The following RBFOX3 variants were observed in gnomAD, a reference collection of about 807,000 sequenced individuals.
RBFOX3 encodes the protein RNA binding fox-1 homolog 3, also known as RNA binding protein fox-1 homolog 3.
RBFOX3 carries 17 observed loss-of-function variants against 48.7 expected under a neutral mutation model. The ratio of observed to expected loss-of-function variants is 0.35; its 90% CI spans 0.24 to 0.52. The LOEUF (loss-of-function observed/expected upper bound fraction) is 0.52, where lower values mean the gene tolerates loss of function less well. RBFOX3 is among the 20% of genes least tolerant of loss of function. The probability of loss-of-function intolerance (pLI) is 0.94; values close to 1 mark genes in which losing one functional copy is unlikely to be tolerated. For missense variants in RBFOX3, 382 were observed against 497.5 expected, an observed-to-expected ratio of 0.77 and a Z score of 2.21; for synonymous variants, 212 against 209.5, an observed-to-expected ratio of 1.01 and a Z score of -0.10.
At chr17:79,116,789 A>G (rs888940017) in intron 4 of RBFOX3, among the ~76,000 whole-genome samples, 1 of 152,182 alleles carries the variant, frequency 6.6e-6, no homozygotes, top group African/African-American at 2.4e-5. Flanking sequence ...TCCTGCAGCC[A>G]CTCTCAGAGG....
the RBFOX3 span, among the ~76,000 whole-genome samples, chr17:79,623,332 G>T: frequency 6.6e-6 from 1 of 152,208 alleles, no homozygotes; most frequent in Admixed American, 6.5e-5. Context: ...ATACCCCACA[G>T]GAGGGAGGTA....
rs145358060 is a variant in RBFOX3 at position 79,146,290 on chromosome 17, C to T, written c.-33-30542G>A. On this transcript the variant is annotated intron_variant, in intron 4 of 14. Coordinates refer to ENST00000693108, the MANE Select transcript of RBFOX3 (RefSeq NM_001350451.2). ...GAGGCCAGAGATGCTGCTCCACCTC[C>T]TACAGACGCCCATCAGAGTCTGACC... Among the ~76,000 whole-genome samples, 993 of 152,294 alleles carry T rather than the reference C, an allele frequency of 6.5e-3. 15 individuals carry two copies. The highest frequency in any genetic ancestry group is 0.023 in the African/African-American group (940 of 41,550).
intron 4 of RBFOX3, among the ~76,000 whole-genome samples, chr17:79,188,853 C>A (rs986848619): frequency 6.6e-6 from 1 of 152,220 alleles, no homozygotes; most frequent in South Asian, 2.1e-4. Context: ...AAGCTGCGGC[C>A]CTGGAAAGCT....
chr17:79,517,941 T>G (rs1375061071), intron 1 of RBFOX3, among the ~76,000 whole-genome samples: 16 of 152,274 alleles, frequency 1.1e-4, no homozygotes, highest in African/African-American at 3.6e-4. Context: ...GTATTGATCC[T>G]GAAGTGCAGA....
intron 1 of RBFOX3, among the ~76,000 whole-genome samples, chr17:79,511,160 C>T (rs1362900589): frequency 5.3e-5 from 8 of 152,162 alleles, no homozygotes; most frequent in African/African-American, 1.9e-4. Flanking sequence ...CGGGAGCCTC[C>T]ACCTGGGCTG....
At chr17:79,300,317 C>T (rs979287653) in intron 3 of RBFOX3, among the ~76,000 whole-genome samples, 9 of 152,288 alleles carry the variant, frequency 5.9e-5, no homozygotes, top group South Asian at 4.1e-4. Flanking sequence ...GAAATTGATA[C>T]GGATCCCAAG....
At chr17:79,522,034 GA>G (rs2086186260) in intron 1 of RBFOX3, among the ~76,000 whole-genome samples, 2 of 152,190 alleles carry the variant, frequency 1.3e-5, no homozygotes, top group Admixed American at 6.5e-5. Flanking sequence ...TCACCCGACG[GA>G]ATCTTGGACC....
chr17:79,613,126 T>C (rs2093981320), upstream of RBFOX3, among the ~76,000 whole-genome samples: 1 of 152,198 alleles, frequency 6.6e-6, no homozygotes, highest in South Asian at 2.1e-4. Flanking sequence ...CTGCAAAGCA[T>C]AGGGCCCGGT....
rs565220696 is a variant in RBFOX3, at chr17:79,097,368, G to T, written c.679C>A (p.Leu227Ile). 6.5e-6 allele frequency: 10 copies of T among 1,548,734 alleles called. No individual in the cohort carries two copies. The South Asian group carries it at 1.2e-4, about 18-fold the overall frequency. Reference protein sequence around the residue: ...GTAVAYRGAHLRGRGRAVYNT... With the variant: ...GTAVAYRGAHIRGRGRAVYNT... ...TACACGGCCCGGCCCCGGCCCCGAA[G>T]ATGTGCGCCCCGGTAGGCAACGGCT... is the stretch of plus-strand genomic sequence containing the variant. The change falls in exon 11 of 15, where the codon CTT (leucine) becomes ATT (isoleucine). Residue 227 changes from leucine to isoleucine, a missense_variant. Leu to Ile is a conservative substitution (Grantham distance 5). Around this residue, in one of 3 missense-constraint regions of RBFOX3, gnomAD observed 215 missense variants for 254.8 expected, o/e 0.84. Transcript: ENST00000693108.
rs186400307 is a variant in RBFOX3, at chr17:79,107,827, G to A, written c.223-1039C>T. ...CGCTCAGCCCACTGGCAAGGCGGGT[G>A]GGTGGCACAGGAGCACCAGGGTACA... On this transcript the variant is annotated intron_variant, in intron 5 of 14. Coordinates refer to ENST00000693108, the MANE Select transcript of RBFOX3 (RefSeq NM_001350451.2). Among the ~76,000 whole-genome samples the A allele has an allele frequency of 5.0e-3, 769 of 152,326 alleles. 5 individuals are homozygous for A. Among genetic ancestry groups the A allele is most frequent in the African/African-American group, 0.017 (705 of 41,582 alleles).
At chr17:79,302,116 TG>T (rs2075406263) in intron 3 of RBFOX3, among the ~76,000 whole-genome samples, 1 of 152,218 alleles carries the variant, frequency 6.6e-6, no homozygotes, top group East Asian at 1.9e-4. Context: ...TTTTGCTCTA[TG>T]TATTCTAATA....
chr17:79,649,123 C>T, the RBFOX3 span, among the ~76,000 whole-genome samples: 1 of 152,022 alleles, frequency 6.6e-6, no homozygotes, highest in African/African-American at 2.4e-5. Flanking sequence ...GGACTACAGG[C>T]ACACACCACC....
intron 1 of RBFOX3, among the ~76,000 whole-genome samples, chr17:79,539,000 A>G (rs1051483948): frequency 5.9e-5 from 9 of 152,260 alleles, no homozygotes; most frequent in South Asian, 2.1e-4. Context: ...ACCTTCCTCA[A>G]GTTGGGGAAA....
At chr17:79,636,106 C>G in the RBFOX3 span, among the ~76,000 whole-genome samples, 2 of 151,960 alleles carry the variant, frequency 1.3e-5, no homozygotes, top group African/African-American at 2.4e-5. Flanking sequence ...GGTGGACATA[C>G]AATGCATAAA....
chr17:79,279,855 C>A (rs1328516762), intron 3 of RBFOX3, among the ~76,000 whole-genome samples: 3 of 152,156 alleles, frequency 2.0e-5, no homozygotes, highest in Non-Finnish European at 4.4e-5. Flanking sequence ...AAAAAGGACC[C>A]GTGTTGTCTA....
chr17:79,614,178 G>T (rs386829741), upstream of RBFOX3, among the ~76,000 whole-genome samples: 2 of 152,210 alleles, frequency 1.3e-5, no homozygotes, highest in African/African-American at 4.8e-5. Flanking sequence ...CCCAAGACCC[G>T]GGGAAGCCTG....
At chr17:79,303,599 T>C (rs2075651003) in intron 3 of RBFOX3, among the ~76,000 whole-genome samples, 4 of 152,204 alleles carry the variant, frequency 2.6e-5, no homozygotes, top group Admixed American at 2.6e-4. Context: ...CTAGGGGCAC[T>C]GACCTGCCCA....
At position 79,311,430 on chromosome 17, in the gene RBFOX3, T is replaced by C. The variant is rs2076836952; in HGVS notation, c.-174-3606A>G. 3.4e-5 allele frequency among the ~76,000 whole-genome samples: 2 copies of C among 59,680 alleles called. No individual in the cohort carries two copies. The highest frequency in any genetic ancestry group is 2.8e-4 in the Admixed American group (1 of 3,598). The allele number at this position is 59,680 out of a possible 152,430, so 39.2% of individuals were successfully genotyped here. On this transcript the variant is annotated intron_variant, in intron 2 of 14. Coordinates refer to ENST00000693108, the MANE Select transcript of RBFOX3 (RefSeq NM_001350451.2). The surrounding 1 kb of genome is among the most constrained non-coding windows in gnomAD (Gnocchi z 4.2). The stretch of plus-strand genomic sequence containing the variant: ...CCTGGGTAAGAAGAGCGAGACTCCA[T>C]CTCCAAAAAAAAAAAAAAAAAAAAC...
intron 4 of RBFOX3, among the ~76,000 whole-genome samples, chr17:79,171,808 G>A (rs546152607): frequency 2.0e-5 from 3 of 151,892 alleles, no homozygotes; most frequent in Admixed American, 6.5e-5. Context: ...GGGATGACGG[G>A]TGTGAGCCAC....
Sources: allele counts gnomAD v4.1 joint callset (sites outside exome capture counted in the v4.1 genomes callset), GRCh38; gene constraint gnomAD v4.1.1; regional missense constraint gnomAD v4.1.1; non-coding constraint Gnocchi (gnomAD v3.1); transcripts MANE v1.5; gene names NCBI Gene and HGNC (gene_info 2026-07-23, HGNC 2026-07-21).